PHKB: variants seen among roughly 807,000 people sequenced by gnomAD.
PHKB encodes the protein phosphorylase kinase regulatory subunit beta.
PHKB carries 122 observed loss-of-function variants against 152.1 expected under a neutral mutation model. That is an observed-to-expected ratio of 0.80 (90% CI 0.69 to 0.93). PHKB has a LOEUF of 0.93. Ranked by LOEUF, PHKB falls within the 40% of genes least tolerant of loss-of-function variation. The probability of loss-of-function intolerance (pLI) is 0.00; values close to 1 mark genes in which losing one functional copy is unlikely to be tolerated. For missense variants in PHKB, 1,304 were observed against 1,328.4 expected (o/e 0.98, Z 0.29); for synonymous variants, 436 against 464.9 (o/e 0.94, Z 0.80).
chr16:47,678,194 A>T (rs1973772530), intron 26 of PHKB, among the ~76,000 whole-genome samples: 1 of 151,880 alleles, frequency 6.6e-6, no homozygotes, highest in African/African-American at 2.4e-5. Context: ...GTTGGTTCCA[A>T]GTCTTTGCTA....
chr16:47,523,796 G>A (rs1033737117), intron 6 of PHKB, among the ~76,000 whole-genome samples: 4 of 152,200 alleles, frequency 2.6e-5, no homozygotes, highest in African/African-American at 9.7e-5. Flanking sequence ...AAGGCCATTT[G>A]CATCTATGTG....
chr16:47,530,507 A>G (rs1258661414), intron 6 of PHKB, among the ~76,000 whole-genome samples: 1 of 152,204 alleles, frequency 6.6e-6, no homozygotes, highest in Non-Finnish European at 1.5e-5. Flanking sequence ...TAAGGCAAGA[A>G]GTAATAGGTG....
intron 7 of PHKB, chr16:47,565,732 G>T: frequency 2.0e-6 from 3 of 1,483,230 alleles, no homozygotes; most frequent in Non-Finnish European, 2.8e-6. Context: ...TCTAGTTTTG[G>T]CTCATCCAGC....
At chr16:47,569,066 T>C (rs1971614930) in intron 7 of PHKB, among the ~76,000 whole-genome samples, 1 of 152,196 alleles carries the variant, frequency 6.6e-6, no homozygotes, top group Non-Finnish European at 1.5e-5. Flanking sequence ...TGTCCAGTGT[T>C]TCTTTGTTGA....
intron 26 of PHKB, among the ~76,000 whole-genome samples, chr16:47,676,679 C>T (rs777049208): frequency 3.9e-5 from 6 of 152,168 alleles, no homozygotes; most frequent in Non-Finnish European, 7.3e-5. Context: ...GCAATTTCTT[C>T]AACTTTACTG....
intron 14 of PHKB, among the ~76,000 whole-genome samples, chr16:47,630,096 G>A (rs994857378): frequency 2.6e-5 from 4 of 152,064 alleles, no homozygotes; most frequent in African/African-American, 9.7e-5. Flanking sequence ...AGTGGGTGTA[G>A]CGCACCAGCA....
At chr16:47,682,035 G>C (rs915574498) in intron 26 of PHKB, among the ~76,000 whole-genome samples, 1 of 152,134 alleles carries the variant, frequency 6.6e-6, no homozygotes, top group Non-Finnish European at 1.5e-5. Context: ...GCTTAGTTTG[G>C]CTGGATATTA....
At chr16:47,529,032 A>C (rs1244228860) in intron 6 of PHKB, among the ~76,000 whole-genome samples, 3 of 152,050 alleles carry the variant, frequency 2.0e-5, no homozygotes, top group Non-Finnish European at 4.4e-5. Context: ...GGGGATTGGA[A>C]GTGTTTTCCT....
chr16:47,626,020 TTTCA>T (rs1972703001), intron 14 of PHKB, among the ~76,000 whole-genome samples: 1 of 152,190 alleles, frequency 6.6e-6, no homozygotes, highest in African/African-American at 2.4e-5. Context: ...AGAGAAAATG[TTTCA>T]TTCATCTTTC....
chr16:47,607,809 G>A (rs1424799532), intron 13 of PHKB, among the ~76,000 whole-genome samples: 1 of 151,946 alleles, frequency 6.6e-6, no homozygotes, highest in African/African-American at 2.4e-5. Flanking sequence ...ACTATTTGAG[G>A]GTTTCTGTTT....
rs919228154 is a variant in PHKB, at chr16:47,701,281, A to G, written c.*1915A>G. The stretch of plus-strand genomic sequence containing the variant: ...TTTAAGAATTTTTTTAAAAAATCTG[A>G]TTAGCTGAGCAAAGTTACCAGAAAA... On this transcript the variant is annotated 3_prime_UTR_variant, in exon 31 of 31. Transcript: ENST00000323584. The G allele has an allele frequency of 7.2e-5, 11 of 152,218 alleles. No homozygotes were observed. Among genetic ancestry groups the G allele is most frequent in the South Asian group, 6.2e-4 (3 of 4,832 alleles). 9.4% of individuals were successfully genotyped at this position (152,218 alleles called of 1,614,324 possible). A position where few individuals can be genotyped will look rare whatever the true frequency, so the allele number is the denominator to read the frequency against.
intron 1 of PHKB, among the ~76,000 whole-genome samples, chr16:47,489,211 C>T (rs547215953): frequency 7.3e-4 from 111 of 152,256 alleles, no homozygotes; most frequent in African/African-American, 2.5e-3. Context: ...GCCACCATGG[C>T]TGGCTAATTT....
Position 47,699,300 on chromosome 16 carries a change from G to C in PHKB, c.3216G>C (p.Ala1072=). The change falls in exon 31 of 31, where the codon GCG becomes GCC. Residue 1072 remains alanine (A), a synonymous_variant. Coordinates refer to ENST00000323584, the MANE Select transcript of PHKB (RefSeq NM_000293.3). The part of the protein sequence containing the change: ...KRGTCSYLTK[A]VMNLLLEGEV... ...GAACATGCAGCTATTTGACAAAGGC[G>C]GTGATGAATCTGCTGCTGGAAGGAG... 6.2e-7 allele frequency: 1 copy of C among 1,614,084 alleles called. No individual in the cohort carries two copies. Among genetic ancestry groups the C allele is most frequent in the South Asian group, 1.1e-5 (1 of 91,080 alleles).
chr16:47,535,208 A>G (rs1001052573), intron 6 of PHKB, among the ~76,000 whole-genome samples: 4 of 152,222 alleles, frequency 2.6e-5, no homozygotes, highest in African/African-American at 4.8e-5. Flanking sequence ...ACTGACAAAT[A>G]TCTTTTTGAA....
chr16:47,547,701 T>G lies in PHKB; in HGVS notation c.710+153T>G, dbSNP rs546196616. On this transcript the variant is annotated intron_variant, in intron 7 of 30. Transcript: ENST00000323584. The stretch of plus-strand genomic sequence containing the variant: ...TGATGCAGATGGAAGTCACTTAAAA[T>G]TAACACAAAAGAGCCCATCCTCAGT... 2.3e-5 allele frequency: 14 copies of G among 614,058 alleles called. No homozygotes were observed. The Admixed American group carries it at 2.7e-4, about 12-fold the overall frequency. The allele number at this position is 614,058 out of a possible 1,614,324, so 38.0% of individuals were successfully genotyped here. A position where few individuals can be genotyped will look rare whatever the true frequency, so the allele number is the denominator to read the frequency against.
chr16:47,663,063 A>G (rs1973470968), intron 23 of PHKB, among the ~76,000 whole-genome samples: 1 of 152,200 alleles, frequency 6.6e-6, no homozygotes, highest in African/African-American at 2.4e-5. Context: ...ATATAATTTT[A>G]TCCAATTTGT....
chr16:47,485,881 A>G (rs749423767), intron 1 of PHKB, among the ~76,000 whole-genome samples: 5 of 151,956 alleles, frequency 3.3e-5, no homozygotes, highest in African/African-American at 1.2e-4. Flanking sequence ...TTGGCCTCCC[A>G]AAGTGCTGGG....
At chr16:47,611,733 G>GC (rs1972432043) in intron 14 of PHKB, among the ~76,000 whole-genome samples, 1 of 152,126 alleles carries the variant, frequency 6.6e-6, no homozygotes, top group African/African-American at 2.4e-5. Flanking sequence ...AGAGCCAACA[G>GC]CCCCGTTAGA....
intron 22 of PHKB, 121 bp downstream of exon 22, chr16:47,660,940 G>T: frequency 1.0e-6 from 1 of 960,580 alleles, no homozygotes; most frequent in Non-Finnish European, 1.7e-6. Context: ...GGAGGTGGAT[G>T]ACTTGTCTAC....
Sources: gnomAD v4.1 joint callset for allele counts (sites outside exome capture counted in the v4.1 genomes callset) on GRCh38, gnomAD v4.1.1 for gene constraint, MANE v1.5 for transcripts, NCBI Gene and HGNC (gene_info 2026-07-23, HGNC 2026-07-21) for gene names.